Variants in DERL1 observed in about 807,000 individuals in gnomAD.
DERL1 encodes the protein derlin-1.
In DERL1, 24 loss-of-function variants were observed where a neutral mutation model predicts 41.6. The ratio of observed to expected loss-of-function variants is 0.58; its 90% CI spans 0.42 to 0.81. The LOEUF (loss-of-function observed/expected upper bound fraction) is 0.81. Ranked by LOEUF, DERL1 falls within the 30% of genes least tolerant of loss-of-function variation. The pLI is 0.00. For missense variants in DERL1, 260 were observed against 314.3 expected (o/e 0.83, Z 1.31); for synonymous variants, 124 against 112.5 (o/e 1.10, Z -0.65).
intron 7 of DERL1, 139 bp from the exon 8 acceptor site, chr8:123,015,724 A>C (rs1814551855): frequency 8.8e-7 from 1 of 1,131,598 alleles, no homozygotes. Context: ...GGGACGTCTT[A>C]TTTAACTTTG....
At chr8:123,018,562 T>A (rs1010406039) in intron 7 of DERL1, 5 of 152,210 alleles carry the variant, frequency 3.3e-5, no homozygotes, top group African/African-American at 1.2e-4. Flanking sequence ...TTTCCCAGTA[T>A]AAAAACTGCT....
rs753412675 is a variant in DERL1, at chr8:123,019,148, G to GT, written c.617+46_617+47insA. ...TGGAGCTCTCATTAGGATGCACTAAGAACACAGGCAGTAAAATGTTAGATG... is the reference window on the plus strand; with the variant it reads ...TGGAGCTCTCATTAGGATGCACTAAGTAACACAGGCAGTAAAATGTTAGATG... On this transcript the variant is annotated intron_variant, in intron 7 of 7. Coordinates refer to ENST00000259512, the MANE Select transcript of DERL1 (RefSeq NM_024295.6). 6.9e-6 allele frequency: 9 copies of GT among 1,311,702 alleles called. No homozygotes were observed. In the East Asian group the frequency reaches 2.1e-4, roughly 30 times the overall value. 81.3% of individuals were successfully genotyped at this position (1,311,702 alleles called of 1,614,324 possible).
chr8:123,041,878 C>T (rs1157793751), intron 1 of DERL1, 92 bp downstream of exon 1: 4 of 1,443,222 alleles, frequency 2.8e-6, no homozygotes, highest in East Asian at 5.1e-5. Context: ...TCCCAGCAGG[C>T]ACCGCGCGCC....
intron 1 of DERL1, 175 bp from the exon 2 acceptor site, chr8:123,030,891 A>G (rs778394808): frequency 3.4e-6 from 2 of 592,670 alleles, no homozygotes; most frequent in Non-Finnish European, 6.0e-6. Flanking sequence ...ATACAATCAC[A>G]TCACTTTGCA....
In DERL1 at chr8:123,019,180, G is replaced by A. The variant is rs765239113; in HGVS notation, c.617+15C>T. 6.5e-7 allele frequency: 1 copy of A among 1,543,872 alleles called. No homozygotes were observed. The highest frequency in any genetic ancestry group is 1.7e-5 in the Admixed American group (1 of 59,838). On this transcript the variant is annotated intron_variant, in intron 7 of 7. Transcript: ENST00000259512. The stretch of plus-strand genomic sequence containing the variant: ...GGCAGTAAAATGTTAGATGAGACAG[G>A]ACAAAAACACTTACAAAAACTGAGG...
intron 6 of DERL1, 141 bp downstream of exon 6, chr8:123,021,306 G>A: frequency 1.3e-6 from 1 of 750,442 alleles, no homozygotes; most frequent in East Asian, 2.7e-5. Flanking sequence ...TTCAATCGAA[G>A]TGAAATTATT....
chr8:123,021,414 A>C (rs1272311170), intron 6 of DERL1, 33 bp downstream of exon 6: 7 of 1,588,086 alleles, frequency 4.4e-6, no homozygotes, highest in Non-Finnish European at 3.5e-6. Context: ...TCCAAGGATT[A>C]GTTTCCAATT....
rs1049680048 is a variant in DERL1 at position 123,014,554 on chromosome 8, T to C, written c.*893A>G. ...GAGCCTCTCAAAGAGAGCATCTCCC[T>C]GTAGCCAACATGATCTGGATCCTCC... On this transcript the variant is annotated 3_prime_UTR_variant, in exon 8 of 8. Coordinates refer to ENST00000259512, the MANE Select transcript of DERL1 (RefSeq NM_024295.6). 3.9e-5 allele frequency: 6 copies of C among 152,620 alleles called. No homozygotes were observed. The highest frequency in any genetic ancestry group is 2.0e-4 in the Admixed American group (3 of 15,270). The allele number at this position is 152,620 out of a possible 1,614,324, so 9.5% of individuals were successfully genotyped here. A position where few individuals can be genotyped will look rare whatever the true frequency, so the allele number is the denominator to read the frequency against.
chr8:123,025,035 C>T lies in DERL1; in HGVS notation c.281G>A (p.Arg94Lys). 6.2e-7 allele frequency: 1 copy of T among 1,613,714 alleles called. No homozygotes were observed. Among genetic ancestry groups the T allele is most frequent in the East Asian group, 2.2e-5 (1 of 44,852 alleles). Residue 94 changes from arginine to lysine, a missense_variant, in exon 3 of 8, where the codon AGG becomes AAG. Transcript: ENST00000259512. ...TRLETGAFDGRPADYLFMLLF... is the reference protein window; with the variant it reads ...TRLETGAFDGKPADYLFMLLF... ...GAGCATGAATAAATAGTCTGCTGGC[C>T]TCCCATCAAAAGCTCCTGGAAACAA...
At chr8:123,032,863 C>G (rs1043993195) in intron 1 of DERL1, among the ~76,000 whole-genome samples, 1 of 122,070 alleles carries the variant, frequency 8.2e-6, no homozygotes, top group African/African-American at 3.3e-5. Flanking sequence ...TTTCTATTTT[C>G]TTTTTTTTTT....
At chr8:123,031,797 T>C (rs534844151) in intron 1 of DERL1, among the ~76,000 whole-genome samples, 89 of 152,346 alleles carry the variant, frequency 5.8e-4, no homozygotes, top group Admixed American at 1.9e-3. Context: ...GTCTAAACTT[T>C]TGTTTAAACT....
In DERL1 at chr8:123,042,108, T is replaced by C; in HGVS notation, c.15A>G (p.Gly5=). 2 of 1,608,894 alleles carry C rather than the reference T, an allele frequency of 1.2e-6. No individual in the cohort carries two copies. The highest frequency in any genetic ancestry group is 2.2e-5 in the South Asian group (2 of 90,828). The part of the protein sequence containing the change: MSDI[G]DWFRSIPAIT... ...TCGCCGGGATGCTCCTGAACCAGTC[T>C]CCGATGTCCGACATCTTCGACCCAC... Residue 5 remains glycine (G), a synonymous_variant, in exon 1 of 8, where the codon GGA becomes GGG. Transcript: ENST00000259512.
At chr8:123,017,014 A>AT (rs1270194122) in intron 7 of DERL1, 2 of 151,910 alleles carry the variant, frequency 1.3e-5, no homozygotes, top group Non-Finnish European at 2.9e-5. Context: ...TAATTTTTGT[A>AT]TTTTTAGTGG....
chr8:123,034,392 G>C (rs1263845283), intron 1 of DERL1, among the ~76,000 whole-genome samples: 1 of 152,234 alleles, frequency 6.6e-6, no homozygotes, highest in Non-Finnish European at 1.5e-5. Flanking sequence ...GAGATGACTT[G>C]AGAAGACCTG....
chr8:123,028,677 T>C (rs1812755272), intron 2 of DERL1, among the ~76,000 whole-genome samples: 1 of 152,206 alleles, frequency 6.6e-6, no homozygotes, highest in African/African-American at 2.4e-5. Flanking sequence ...TTGCATATGT[T>C]TGAAAATTTT....
At chr8:123,022,824 TA>T (rs1309246241) in intron 4 of DERL1, 45 bp from the exon 5 acceptor site, 3 of 1,537,544 alleles carry the variant, frequency 2.0e-6, no homozygotes, top group Non-Finnish European at 1.8e-6. Context: ...CAGAGGCACT[TA>T]AAAAAGGTGT....
intron 1 of DERL1, among the ~76,000 whole-genome samples, chr8:123,038,430 C>A (rs1457329084): frequency 1.3e-5 from 2 of 152,210 alleles, no homozygotes; most frequent in Non-Finnish European, 2.9e-5. Flanking sequence ...CAAGGTACAG[C>A]TGTTGGTCTT....
intron 1 of DERL1, among the ~76,000 whole-genome samples, chr8:123,032,863 C>CTTTT (rs200724608): frequency 8.2e-6 from 1 of 122,068 alleles, no homozygotes; most frequent in African/African-American, 3.3e-5. Flanking sequence ...TTTCTATTTT[C>CTTTT]TTTTTTTTTT....
chr8:123,019,951 C>T (rs1814713948), intron 6 of DERL1, among the ~76,000 whole-genome samples: 1 of 152,172 alleles, frequency 6.6e-6, no homozygotes, highest in African/African-American at 2.4e-5. Flanking sequence ...CAACATGATT[C>T]CCGTCAGGGG....
Sources: allele counts gnomAD v4.1 joint callset (sites outside exome capture counted in the v4.1 genomes callset), GRCh38; gene constraint gnomAD v4.1.1; transcripts MANE v1.5; gene names NCBI Gene and HGNC (gene_info 2026-07-23, HGNC 2026-07-21).